EPDR1: variants seen among roughly 807,000 people sequenced by gnomAD.
EPDR1 encodes the protein ependymin related 1.
Under a neutral mutation model 23.7 loss-of-function variants are expected in EPDR1, and 27 were observed. The observed-to-expected ratio is 1.14, with a 90% confidence interval of 0.84 to 1.57. The LOEUF (loss-of-function observed/expected upper bound fraction) is 1.57. Among genes scored for constraint, EPDR1 ranks in the 40% most tolerant of loss-of-function variants. The pLI is 0.00. For missense variants in EPDR1, 349 were observed against 290.4 expected (o/e 1.20, Z -1.47); for synonymous variants, 137 against 118.2 (o/e 1.16, Z -1.03).
intron 1 of EPDR1, among the ~76,000 whole-genome samples, chr7:37,925,526 G>T (rs1004606178): frequency 1.6e-4 from 25 of 152,204 alleles, no homozygotes; most frequent in African/African-American, 5.8e-4. Flanking sequence ...TTCTCCCAGA[G>T]CATATTATTT....
intron 1 of EPDR1, among the ~76,000 whole-genome samples, chr7:37,941,521 C>T (rs1038232277): frequency 6.6e-6 from 1 of 152,160 alleles, no homozygotes; most frequent in Non-Finnish European, 1.5e-5. Context: ...GAACTCAAAT[C>T]GAAAAGAGCC....
At chr7:37,944,901 T>G (rs1458042430) in intron 1 of EPDR1, among the ~76,000 whole-genome samples, 3 of 152,192 alleles carry the variant, frequency 2.0e-5, no homozygotes, top group Non-Finnish European at 4.4e-5. Flanking sequence ...GAACAACTAT[T>G]GCAGTCTGAG....
chr7:37,925,275 A>G (rs1386906027), intron 1 of EPDR1, among the ~76,000 whole-genome samples: 1 of 152,232 alleles, frequency 6.6e-6, no homozygotes, highest in African/African-American at 2.4e-5. Context: ...ACCAGTAACT[A>G]TAGGCTCCCC....
intron 1 of EPDR1, among the ~76,000 whole-genome samples, chr7:37,931,256 G>A (rs1258827007): frequency 6.6e-6 from 1 of 152,186 alleles, no homozygotes; most frequent in Non-Finnish European, 1.5e-5. Flanking sequence ...GCTCACGCTT[G>A]TAATCCCAGC....
At chr7:37,947,450 T>A (rs1289744150) in intron 1 of EPDR1, among the ~76,000 whole-genome samples, 1 of 152,244 alleles carries the variant, frequency 6.6e-6, no homozygotes, top group Admixed American at 6.5e-5. Context: ...GACGCACGAC[T>A]GTGTTTTGAC....
chr7:37,939,558 T>G (rs1329433887), intron 1 of EPDR1, among the ~76,000 whole-genome samples: 1 of 152,176 alleles, frequency 6.6e-6, no homozygotes, highest in Non-Finnish European at 1.5e-5. Context: ...TGATGTCTTA[T>G]TCTTCTTGGT....
chr7:37,940,310 A>G (rs1786145194), intron 1 of EPDR1, among the ~76,000 whole-genome samples: 1 of 152,212 alleles, frequency 6.6e-6, no homozygotes, highest in Non-Finnish European at 1.5e-5. Flanking sequence ...AGGGAAGAGG[A>G]GATAGGGATG....
At position 37,921,150 on chromosome 7, in the gene EPDR1, G is replaced by C. The variant is rs765296395; in HGVS notation, c.211G>C (p.Gly71Arg). The C allele has an allele frequency of 1.9e-6, 3 of 1,596,190 alleles. No individual in the cohort carries two copies. The highest frequency in any genetic ancestry group is 2.5e-6 in the Non-Finnish European group (3 of 1,178,838). Residue 71 changes from glycine to arginine, a missense_variant, in exon 1 of 3, where the codon GGG (glycine) becomes CGG (arginine). Gly to Arg is a moderately radical substitution (Grantham distance 125). Transcript: ENST00000199448. ...CAGCCGCGCCCTGCTCTCCTACGAC[G>C]GGCTCAACCAGCGCGTGCGGGTGCT... is the stretch of plus-strand genomic sequence containing the variant. ...RNSRALLSYD[G>R]LNQRVRVLDE...
intron 1 of EPDR1, 118 bp from the exon 2 acceptor site, chr7:37,948,722 C>T: frequency 1.4e-6 from 1 of 727,310 alleles, no homozygotes; most frequent in Non-Finnish European, 2.3e-6. Flanking sequence ...AAGTGATTGC[C>T]TAGCTAGTAA....
At chr7:37,948,456 A>T (rs1219222723) in intron 1 of EPDR1, among the ~76,000 whole-genome samples, 2 of 148,764 alleles carry the variant, frequency 1.3e-5, no homozygotes, top group African/African-American at 5.0e-5. Flanking sequence ...TGATCCTCTT[A>T]CTTCAACCTC....
chr7:37,942,983 G>T (rs977415370), intron 1 of EPDR1, among the ~76,000 whole-genome samples: 1 of 152,200 alleles, frequency 6.6e-6, no homozygotes, highest in Admixed American at 6.5e-5. Context: ...CCGCTGGCCC[G>T]TCCTGTGTGT....
intron 1 of EPDR1, among the ~76,000 whole-genome samples, chr7:37,922,665 T>TGGG (rs145894040): frequency 0.12 from 17,671 of 149,334 alleles, 1,173 homozygotes; most frequent in Middle Eastern, 0.16. Context: ...TTGAGGAAGC[T>TGGG]AGGGGGGGGT....
chr7:37,942,983 G>A (rs977415370), intron 1 of EPDR1, among the ~76,000 whole-genome samples: 7 of 152,200 alleles, frequency 4.6e-5, no homozygotes, highest in African/African-American at 1.4e-4. Flanking sequence ...CCGCTGGCCC[G>A]TCCTGTGTGT....
rs76474411 is a variant in EPDR1, at chr7:37,950,315, T to C, written c.594T>C (p.Ile198=). 1.7e-4 allele frequency: 271 copies of C among 1,614,046 alleles called. No homozygotes were observed. The African/African-American group carries it at 3.1e-3, about 19-fold the overall frequency. Residue 198 remains isoleucine (I), a synonymous_variant, in exon 3 of 3, where the codon ATT becomes ATC. Transcript: ENST00000199448. ...GGTTTTTTGACATCCAGCTGGGTAT[T>C]AAAGACCCCTCGGTGTTTACCCCTC... The part of the protein sequence containing the change: ...STRFFDIQLG[I]KDPSVFTPPS...
At position 37,950,312 on chromosome 7, in the gene EPDR1, T is replaced by C; in HGVS notation, c.591T>C (p.Gly197=). Residue 197 remains glycine (G), a synonymous_variant, in exon 3 of 3, where the codon GGT becomes GGC. Transcript: ENST00000199448. ...LSTRFFDIQL[G]IKDPSVFTPP... is the part of the protein sequence containing the mutation. ...CGCGGTTTTTTGACATCCAGCTGGG[T>C]ATTAAAGACCCCTCGGTGTTTACCC... 1 of 1,613,928 alleles carries C rather than the reference T, an allele frequency of 6.2e-7. No homozygotes were observed. The highest frequency in any genetic ancestry group is 8.5e-7 in the Non-Finnish European group (1 of 1,179,948).
chr7:37,921,619 A>G (rs1331887656), intron 1 of EPDR1, among the ~76,000 whole-genome samples: 1 of 152,210 alleles, frequency 6.6e-6, no homozygotes, highest in African/African-American at 2.4e-5. Context: ...TCTGCTAGAG[A>G]GGCACGCAGA....
intron 1 of EPDR1, among the ~76,000 whole-genome samples, chr7:37,931,625 T>C (rs1223286298): frequency 6.6e-6 from 1 of 152,220 alleles, no homozygotes; most frequent in African/African-American, 2.4e-5. Flanking sequence ...GTTTCTATTA[T>C]CCTTGAATTT....
At chr7:37,939,123 C>T (rs1305801567) in intron 1 of EPDR1, among the ~76,000 whole-genome samples, 3 of 152,012 alleles carry the variant, frequency 2.0e-5, no homozygotes, top group Non-Finnish European at 2.9e-5. Flanking sequence ...GAAATACAGG[C>T]GCCCACCACC....
chr7:37,941,490 A>G (rs1284497248), intron 1 of EPDR1, among the ~76,000 whole-genome samples: 1 of 152,250 alleles, frequency 6.6e-6, no homozygotes, highest in Non-Finnish European at 1.5e-5. Context: ...CACCAATGAC[A>G]TGTTATTTAC....
Sources: gnomAD v4.1 joint callset for allele counts (sites outside exome capture counted in the v4.1 genomes callset) on GRCh38, gnomAD v4.1.1 for gene constraint, MANE v1.5 for transcripts, NCBI Gene and HGNC (gene_info 2026-07-23, HGNC 2026-07-21) for gene names.